The following FNDC3A variants were observed in gnomAD, a reference collection of about 807,000 sequenced individuals.
FNDC3A encodes the protein fibronectin type III domain containing 3A.
A neutral mutation model predicts 148.9 loss-of-function variants in FNDC3A; 32 were observed. The observed-to-expected ratio is 0.21, with a 90% CI of 0.16 to 0.29. The LOEUF is 0.29. FNDC3A is among the 10% of genes least tolerant of loss of function. FNDC3A has a pLI of 1.00. For synonymous variants in FNDC3A, 472 were observed against 473.6 expected, an observed-to-expected ratio of 1.00 and a Z score of 0.04; for missense variants, 1,191 against 1,452.8, an observed-to-expected ratio of 0.82 and a Z score of 2.93.
intron 25 of FNDC3A, among the ~76,000 whole-genome samples, chr13:49,204,778 T>C (rs897990629): frequency 6.6e-6 from 1 of 152,236 alleles, no homozygotes; most frequent in Non-Finnish European, 1.5e-5. Context: ...TCTTCAGTCC[T>C]GTATTTACAG....
At chr13:49,206,085 A>G (rs1455869112) in intron 25 of FNDC3A, among the ~76,000 whole-genome samples, 1 of 152,214 alleles carries the variant, frequency 6.6e-6, no homozygotes, top group Non-Finnish European at 1.5e-5. Flanking sequence ...GGTTTTCTCA[A>G]TTACAGAATG....
At chr13:49,075,806 C>CG (rs1229459268) in intron 3 of FNDC3A, among the ~76,000 whole-genome samples, 2 of 131,440 alleles carry the variant, frequency 1.5e-5, no homozygotes, top group East Asian at 2.4e-4. Context: ...CACTGCCCCC[C>CG]CCACCCCCAC....
intron 3 of FNDC3A, among the ~76,000 whole-genome samples, chr13:49,094,132 G>A (rs910183927): frequency 6.6e-6 from 1 of 152,080 alleles, no homozygotes; most frequent in Non-Finnish European, 1.5e-5. Flanking sequence ...CAGAGGTGGG[G>A]TGGGGTGACT....
At chr13:49,037,692 C>A (rs1052986092) in intron 2 of FNDC3A, among the ~76,000 whole-genome samples, 2 of 152,200 alleles carry the variant, frequency 1.3e-5, no homozygotes, top group African/African-American at 2.4e-5. Flanking sequence ...GCCTCACCCC[C>A]CTCACAGTAC....
chr13:48,990,410 AATT>A (rs1951891805), intron 1 of FNDC3A, among the ~76,000 whole-genome samples: 1 of 151,928 alleles, frequency 6.6e-6, no homozygotes, highest in Non-Finnish European at 1.5e-5. Context: ...ATTTAAAAAA[AATT>A]ATTATTTGAA....
chr13:49,110,261 C>T lies in FNDC3A; in HGVS notation c.176-4394C>T, dbSNP rs1007728944. The T allele has an allele frequency of 1.8e-5, 23 of 1,274,382 alleles. No homozygotes were observed. The Admixed American group carries it at 5.3e-4, about 29-fold the overall frequency. The allele number at this position is 1,274,382 out of a possible 1,614,324, so 78.9% of individuals were successfully genotyped here. On this transcript the variant is annotated intron_variant, in intron 3 of 25. Transcript: ENST00000492622. ...ACTGCAGGTCACGTGATGACTGTCA[C>T]GTGACTCGGTCAAAGGATCTTTTCC...
chr13:49,193,132 C>T (rs1473291969), intron 19 of FNDC3A, among the ~76,000 whole-genome samples: 2 of 152,098 alleles, frequency 1.3e-5, no homozygotes, highest in Non-Finnish European at 2.9e-5. Flanking sequence ...ATTTAGTGGC[C>T]CTTTCCATGC....
At chr13:49,020,754 A>G (rs752079331) in intron 2 of FNDC3A, among the ~76,000 whole-genome samples, 1 of 152,346 alleles carries the variant, frequency 6.6e-6, no homozygotes, top group Middle Eastern at 3.4e-3. Context: ...TTTAATCTTC[A>G]TAACAGTTCT....
chr13:49,181,589 C>T (rs1885306897), intron 14 of FNDC3A, among the ~76,000 whole-genome samples: 2 of 152,120 alleles, frequency 1.3e-5, no homozygotes, highest in African/African-American at 2.4e-5. Flanking sequence ...TTTAAATCTG[C>T]CATGTGCAGG....
intron 3 of FNDC3A, among the ~76,000 whole-genome samples, chr13:49,112,623 G>C (rs1880648518): frequency 6.6e-6 from 1 of 152,158 alleles, no homozygotes; most frequent in Non-Finnish European, 1.5e-5. Flanking sequence ...ATACTGCATA[G>C]TATTTTAATG....
intron 2 of FNDC3A, among the ~76,000 whole-genome samples, chr13:49,072,361 A>G (rs76197605): frequency 0.046 from 6,928 of 152,202 alleles, 487 homozygotes; most frequent in African/African-American, 0.15. Context: ...AAAAGATAGA[A>G]AAAAGTGAGA....
At chr13:49,128,423 G>A (rs1881834852) in intron 4 of FNDC3A, among the ~76,000 whole-genome samples, 1 of 152,282 alleles carries the variant, frequency 6.6e-6, no homozygotes, top group East Asian at 1.9e-4. Context: ...GTGGGGTGAT[G>A]TTTTTGTTGC....
chr13:49,119,693 A>G (rs1389825899), intron 4 of FNDC3A, among the ~76,000 whole-genome samples: 1 of 151,934 alleles, frequency 6.6e-6, no homozygotes, highest in Admixed American at 6.6e-5. Context: ...CGCGAAGCAT[A>G]CACAAGTATC....
intron 3 of FNDC3A, among the ~76,000 whole-genome samples, chr13:49,084,736 G>C (rs777006783): frequency 6.6e-6 from 1 of 152,088 alleles, no homozygotes; most frequent in African/African-American, 2.4e-5. Flanking sequence ...ACTAGAGTTA[G>C]TATGATCAGG....
chr13:49,183,218 TA>T (rs1173717215), intron 14 of FNDC3A, among the ~76,000 whole-genome samples: 1 of 152,210 alleles, frequency 6.6e-6, no homozygotes, highest in Non-Finnish European at 1.5e-5. Context: ...TTTTTTCTCT[TA>T]CCCAAGCTTC....
intron 3 of FNDC3A, among the ~76,000 whole-genome samples, chr13:49,111,843 T>C (rs1880599201): frequency 6.6e-6 from 1 of 152,150 alleles, no homozygotes; most frequent in African/African-American, 2.4e-5. Flanking sequence ...GTCTTTTTCC[T>C]GGACTACATC....
chr13:48,993,198 T>C (rs1444096754), intron 1 of FNDC3A, among the ~76,000 whole-genome samples: 7 of 152,342 alleles, frequency 4.6e-5, no homozygotes, highest in East Asian at 3.9e-4. Context: ...TACATTGTTA[T>C]CAACTTTACA....
At chr13:49,067,678 C>T (rs948383304) in intron 2 of FNDC3A, among the ~76,000 whole-genome samples, 2 of 152,162 alleles carry the variant, frequency 1.3e-5, no homozygotes, top group East Asian at 3.9e-4. Context: ...TTATTGATTT[C>T]GTCTGTCCTA....
At chr13:49,091,354 AAAC>A (rs749098583) in intron 3 of FNDC3A, among the ~76,000 whole-genome samples, 24 of 152,120 alleles carry the variant, frequency 1.6e-4, no homozygotes, top group Non-Finnish European at 3.1e-4. Context: ...AAAAAAAAAA[AAAC>A]AACTCCTGGG....
Sources: gnomAD v4.1 joint callset for allele counts (sites outside exome capture counted in the v4.1 genomes callset) on GRCh38, gnomAD v4.1.1 for gene constraint, MANE v1.5 for transcripts, NCBI Gene and HGNC (gene_info 2026-07-23, HGNC 2026-07-21) for gene names.